Variants in LIMK1 observed in about 807,000 individuals in gnomAD.
The protein encoded by LIMK1 is LIM motif-containing protein kinase.
A neutral mutation model predicts 77.6 loss-of-function variants in LIMK1; 21 were observed. The observed-to-expected ratio is 0.27, with a 90% CI of 0.19 to 0.39. LIMK1 has a LOEUF of 0.39. Among genes scored for constraint, LIMK1 ranks in the 10% least tolerant of loss-of-function variants. LIMK1 has a pLI of 1.00. For missense variants in LIMK1, 696 were observed against 901.6 expected (o/e 0.77, Z 2.92); for synonymous variants, 358 against 370.0 (o/e 0.97, Z 0.37).
At chr7:74,106,739 A>C (rs781947881) in intron 7 of LIMK1, among the ~76,000 whole-genome samples, 5 of 152,134 alleles carry the variant, frequency 3.3e-5, no homozygotes, top group Non-Finnish European at 7.4e-5. Flanking sequence ...CAGCCTGGGC[A>C]ACAGTGTGAG....
chr7:74,101,412 G>A (rs1300604794), intron 5 of LIMK1, among the ~76,000 whole-genome samples: 6 of 152,198 alleles, frequency 3.9e-5, no homozygotes, highest in African/African-American at 1.4e-4. Flanking sequence ...GAGGGCTGAG[G>A]TGAGAGGATT....
intron 5 of LIMK1, 85 bp from the exon 6 acceptor site, chr7:74,105,790 C>G: frequency 1.1e-6 from 1 of 888,844 alleles, no homozygotes; most frequent in Non-Finnish European, 1.8e-6. Flanking sequence ...CCTGCTCACC[C>G]TGGATCTGGT....
chr7:74,111,579 T>C (rs1799699508), intron 10 of LIMK1, 69 bp from the exon 11 acceptor site: 1 of 1,325,712 alleles, frequency 7.5e-7, no homozygotes, highest in South Asian at 1.2e-5. Flanking sequence ...CCTGCCTCTG[T>C]CTCATGCAAC....
Position 74,096,971 on chromosome 7 carries a change from T to A in LIMK1, c.292-109T>A. On this transcript the variant is annotated intron_variant, in intron 3 of 15. Coordinates refer to ENST00000336180, the MANE Select transcript of LIMK1 (RefSeq NM_002314.4). ...GGAGCTCAGCAGCTGGCCAGCCGGG[T>A]CCCTGCAGTTGTTTTTTTGGTGACA... is the stretch of plus-strand genomic sequence containing the variant. 6 of 1,049,660 alleles carry A rather than the reference T, an allele frequency of 5.7e-6. No individual in the cohort carries two copies. The South Asian group carries it at 9.6e-5, about 17-fold the overall frequency. 65.0% of individuals were successfully genotyped at this position (1,049,660 alleles called of 1,614,324 possible).
intron 5 of LIMK1, among the ~76,000 whole-genome samples, chr7:74,099,778 C>T (rs1194234272): frequency 6.6e-6 from 1 of 151,946 alleles, no homozygotes; most frequent in African/African-American, 2.4e-5. Flanking sequence ...AAGACATTTT[C>T]TTTAGTCCAT....
intron 2 of LIMK1, among the ~76,000 whole-genome samples, chr7:74,091,940 C>T (rs981084968): frequency 2.3e-4 from 34 of 145,110 alleles, no homozygotes; most frequent in African/African-American, 7.9e-4. Flanking sequence ...TGGAAGGTGC[C>T]GTTGGCTGTA....
At chr7:74,084,545 G>T (rs1353184613) in intron 1 of LIMK1, among the ~76,000 whole-genome samples, 1 of 152,134 alleles carries the variant, frequency 6.6e-6, no homozygotes, top group Non-Finnish European at 1.5e-5. Flanking sequence ...CCCCCCCGGT[G>T]TCGGTGATTG....
intron 2 of LIMK1, among the ~76,000 whole-genome samples, chr7:74,088,206 G>A (rs531719798): frequency 4.8e-4 from 73 of 152,330 alleles, no homozygotes; most frequent in African/African-American, 1.7e-3. Flanking sequence ...TTGGGACACA[G>A]AGAGGTTAAT....
At chr7:74,105,307 C>T (rs1319341479) in intron 5 of LIMK1, among the ~76,000 whole-genome samples, 4 of 151,908 alleles carry the variant, frequency 2.6e-5, no homozygotes, top group African/African-American at 4.8e-5. Context: ...CTCAGGAGTT[C>T]GAGACCAGCC....
In LIMK1 at chr7:74,115,819, G is replaced by A. The variant is rs781811495; in HGVS notation, c.1428G>A (p.Val476=). The A allele has an allele frequency of 1.2e-6, 2 of 1,614,140 alleles. No individual in the cohort carries two copies. The highest frequency in any genetic ancestry group is 1.7e-6 in the Non-Finnish European group (2 of 1,180,004). Reference sequence around the variant, plus strand: ...CTTCCCAGAACAAGAATGTGGTGGTGGCTGACTTCGGGCTGGCGCGTCTCA... The same window carrying A: ...CTTCCCAGAACAAGAATGTGGTGGTAGCTGACTTCGGGCTGGCGCGTCTCA... The part of the protein sequence containing the change: ...CLVRENKNVV[V]ADFGLARLMV... The change falls in exon 13 of 16, where the codon GTG becomes GTA. Residue 476 remains valine (V), a synonymous_variant. Coordinates refer to ENST00000336180, the MANE Select transcript of LIMK1 (RefSeq NM_002314.4).
intron 12 of LIMK1, chr7:74,115,591 C>T: frequency 1.8e-6 from 1 of 542,094 alleles, no homozygotes; most frequent in Non-Finnish European, 3.3e-6. Context: ...GGGAGGAAGC[C>T]ACACTGCTAT....
intron 10 of LIMK1, chr7:74,109,247 C>T: frequency 1.9e-6 from 1 of 514,300 alleles, no homozygotes; most frequent in South Asian, 1.9e-5. Context: ...GTTATTCTGG[C>T]ACTTTGGGAG....
At chr7:74,098,427 A>C (rs1332584233) in intron 4 of LIMK1, among the ~76,000 whole-genome samples, 1 of 152,196 alleles carries the variant, frequency 6.6e-6, no homozygotes, top group Admixed American at 6.5e-5. Flanking sequence ...AACTGGATTT[A>C]TCCTCAGGCC....
intron 10 of LIMK1, chr7:74,109,470 C>T (rs1204299432): frequency 5.1e-6 from 1 of 194,546 alleles, no homozygotes; most frequent in Non-Finnish European, 1.1e-5. Context: ...CCTATAATCT[C>T]AGCACTTTCA....
rs551213424 is a variant in LIMK1 at position 74,083,959 on chromosome 7, AGCCCCGCCGG to A, written c.-23_-14del. 11 of 1,032,288 alleles carry A rather than the reference AGCCCCGCCGG, an allele frequency of 1.1e-5. No individual in the cohort carries two copies. The African/African-American group carries it at 1.7e-4, about 16-fold the overall frequency. 63.9% of individuals were successfully genotyped at this position (1,032,288 alleles called of 1,614,324 possible). The stretch of plus-strand genomic sequence containing the variant: ...CGCGGGCCCGGCCGCCCCCAGCCCC[AGCCCCGCCGG>A]GCCCCGCCCCCCGTCGAGTGCATGA... On this transcript the variant is annotated 5_prime_UTR_variant, in exon 1 of 16. Coordinates refer to ENST00000336180, the MANE Select transcript of LIMK1 (RefSeq NM_002314.4).
Position 74,120,605 on chromosome 7 carries a change from G to A in LIMK1, c.1590G>A (p.Val530=), listed in dbSNP as rs1170738607. ...CAGGCCGCAGCTATGATGAGAAGGT[G>A]GATGTGTTCTCCTTTGGGATCGTCC... ...MINGRSYDEK[V]DVFSFGIVLC... Residue 530 remains valine (V), a synonymous_variant, in exon 14 of 16, where the codon GTG becomes GTA. Transcript: ENST00000336180. 2 of 1,614,234 alleles carry A rather than the reference G, an allele frequency of 1.2e-6. No homozygotes were observed. Among genetic ancestry groups the A allele is most frequent in the South Asian group, 1.1e-5 (1 of 91,086 alleles).
intron 2 of LIMK1, among the ~76,000 whole-genome samples, chr7:74,089,501 CAAAAAA>C (rs72149470): frequency 6.6e-6 from 1 of 150,946 alleles, no homozygotes; most frequent in Non-Finnish European, 1.5e-5. Context: ...AATCCCATCT[CAAAAAA>C]AAGAAAGAAA....
At chr7:74,112,064 C>T in intron 12 of LIMK1, 66 bp downstream of exon 12, 1 of 1,300,166 alleles carries the variant, frequency 7.7e-7, no homozygotes, top group Non-Finnish European at 1.1e-6. Context: ...ACCCCAGCCT[C>T]AGGGCCTTCC....
At chr7:74,090,886 A>T (rs1799222578) in intron 2 of LIMK1, among the ~76,000 whole-genome samples, 1 of 152,032 alleles carries the variant, frequency 6.6e-6, no homozygotes, top group Non-Finnish European at 1.5e-5. Context: ...GGCCCCTCTC[A>T]CAACAACCCA....
Sources: allele counts gnomAD v4.1 joint callset (sites outside exome capture counted in the v4.1 genomes callset), GRCh38; gene constraint gnomAD v4.1.1; transcripts MANE v1.5; gene names NCBI Gene and HGNC (gene_info 2026-07-23, HGNC 2026-07-21).